VPS36: variants seen among roughly 807,000 people sequenced by gnomAD.
VPS36 encodes vacuolar protein sorting 36 homolog, also known as vacuolar protein-sorting-associated protein 36.
VPS36 carries 31 observed loss-of-function variants against 63.5 expected under a neutral mutation model. That is an observed-to-expected ratio of 0.49 (90% CI 0.37 to 0.66). The LOEUF (loss-of-function observed/expected upper bound fraction) is 0.66, where lower values mean the gene tolerates loss of function less well. Ranked by LOEUF, VPS36 falls within the 30% of genes least tolerant of loss-of-function variation. The pLI is 0.00. For synonymous variants in VPS36, 138 were observed against 157.2 expected (o/e 0.88, Z 0.91); for missense variants, 338 against 463.7 (o/e 0.73, Z 2.49).
chr13:52,439,796 G>GT (rs1958256624), intron 2 of VPS36, among the ~76,000 whole-genome samples: 1 of 152,006 alleles, frequency 6.6e-6, no homozygotes, highest in Non-Finnish European at 1.5e-5. Context: ...CATTTTACTC[G>GT]TAATATTTTC....
chr13:52,437,792 T>C (rs1038510929), intron 3 of VPS36, among the ~76,000 whole-genome samples: 10 of 152,012 alleles, frequency 6.6e-5, no homozygotes, highest in African/African-American at 2.4e-4. Flanking sequence ...TAGCTGGGCA[T>C]GGTCGTGGGC....
In VPS36 at chr13:52,433,741, C is replaced by A; in HGVS notation, c.449G>T (p.Arg150Ile). Residue 150 changes from arginine (R) to isoleucine (I), a missense_variant, in exon 6 of 14, where the codon AGA (arginine) becomes ATA (isoleucine). Physicochemically the swap from Arg to Ile is moderately conservative, Grantham distance 97. Transcript: ENST00000378060. ...ACCTACAATTCCTACAGCCCTTATT[C>A]TTCCTGGCTGAAAAAAAAAAGAGGT... ...LQTNRGPQPG[R>I]IRAVGIVGIE... 6.3e-7 allele frequency: 1 copy of A among 1,592,132 alleles called. No homozygotes were observed. Among genetic ancestry groups the A allele is most frequent in the Non-Finnish European group, 8.5e-7 (1 of 1,173,860 alleles).
In VPS36 at chr13:52,416,077, G is replaced by GA; in HGVS notation, c.1006dup (p.Ser336PhefsTer9). ...CTTAGCAAACTCTTCTGATGTTAGG[G>GA]ATCCCTTTTCTGAAACCTAATAGAA... On this transcript the variant is annotated frameshift_variant, in exon 13 of 14. Transcript: ENST00000378060. LOFTEE classifies it high-confidence loss of function. The GA allele has an allele frequency of 6.2e-7, 1 of 1,613,120 alleles. No homozygotes were observed. The highest frequency in any genetic ancestry group is 1.3e-5 in the African/African-American group (1 of 74,946).
chr13:52,427,218 G>GCCTGAAAT lies in VPS36; in HGVS notation c.529-7_529dup (p.Ala177AspfsTer11). ...CATTAGTTTGCTGAGGTCTTCAAAG[G>GCCTGAAAT]CCTGAAATGAGAAATGAATTTTGGT... is the stretch of plus-strand genomic sequence containing the variant. On this transcript the variant is annotated frameshift_variant and splice_region_variant, in exon 7 of 14. Coordinates refer to ENST00000378060, the MANE Select transcript of VPS36 (RefSeq NM_016075.4). LOFTEE classifies it high-confidence loss of function. The GCCTGAAAT allele has an allele frequency of 1.2e-6, 2 of 1,613,108 alleles. No individual in the cohort carries two copies. The highest frequency in any genetic ancestry group is 1.7e-6 in the Non-Finnish European group (2 of 1,179,466).
At chr13:52,420,372 G>T (rs1311542211) in intron 10 of VPS36, among the ~76,000 whole-genome samples, 1 of 151,360 alleles carries the variant, frequency 6.6e-6, no homozygotes, top group Non-Finnish European at 1.5e-5. Flanking sequence ...TTGCTCTGTT[G>T]CCCAGGCTGG....
At chr13:52,421,845 A>G (rs1231001569) in intron 10 of VPS36, among the ~76,000 whole-genome samples, 4 of 152,082 alleles carry the variant, frequency 2.6e-5, no homozygotes, top group South Asian at 4.2e-4. Context: ...TTATTGATAC[A>G]TAATATCTTA....
At chr13:52,436,879 T>C (rs1223629965) in intron 3 of VPS36, among the ~76,000 whole-genome samples, 1 of 152,210 alleles carries the variant, frequency 6.6e-6, no homozygotes, top group Non-Finnish European at 1.5e-5. Flanking sequence ...TATCATTTGT[T>C]GGAAAATGCC....
In VPS36 at chr13:52,413,980, A is replaced by G. The variant is rs1190311027; in HGVS notation, c.*1850T>C. ...CTTCCTTCTTAAGTTATTTTATACA[A>G]TTCAGATTGCTCCATTTTTTTTCAT... On this transcript the variant is annotated 3_prime_UTR_variant, in exon 14 of 14. Transcript: ENST00000378060. 1 of 152,138 alleles carries G rather than the reference A, an allele frequency of 6.6e-6. No individual in the cohort carries two copies. The highest frequency in any genetic ancestry group is 1.5e-5 in the Non-Finnish European group (1 of 68,040). 9.4% of individuals were successfully genotyped at this position (152,138 alleles called of 1,614,324 possible).
intron 6 of VPS36, chr13:52,429,326 A>G (rs890291193): frequency 1.0e-6 from 1 of 983,988 alleles, no homozygotes; most frequent in Non-Finnish European, 1.2e-6. Flanking sequence ...TGCATATTCC[A>G]TTCCCTTTTC....
At chr13:52,449,808 G>T in intron 1 of VPS36, 2 of 513,426 alleles carry the variant, frequency 3.9e-6, no homozygotes, top group Non-Finnish European at 5.0e-6. Flanking sequence ...GCACTACAAG[G>T]CACGGTCTAC....
chr13:52,444,513 A>C (rs1360424464), intron 1 of VPS36, among the ~76,000 whole-genome samples: 1 of 147,600 alleles, frequency 6.8e-6, no homozygotes, highest in African/African-American at 2.5e-5. Flanking sequence ...TATATGTATA[A>C]AAATATATAT....
chr13:52,438,461 T>C (rs1041048185), intron 3 of VPS36, among the ~76,000 whole-genome samples: 1 of 152,220 alleles, frequency 6.6e-6, no homozygotes, highest in African/African-American at 2.4e-5. Flanking sequence ...AAGTGCCTAA[T>C]TATGCTAAAC....
intron 2 of VPS36, among the ~76,000 whole-genome samples, chr13:52,440,989 A>G (rs1958270627): frequency 6.6e-6 from 1 of 152,108 alleles, no homozygotes; most frequent in African/African-American, 2.4e-5. Flanking sequence ...ACAGTTCACA[A>G]TAGGGTTCCT....
chr13:52,436,835 T>C (rs950624070), intron 3 of VPS36, among the ~76,000 whole-genome samples: 1 of 152,230 alleles, frequency 6.6e-6, no homozygotes, highest in Admixed American at 6.5e-5. Flanking sequence ...GCTGATATTT[T>C]ATTAAAATTC....
At chr13:52,418,078 G>A (rs369573679) in intron 10 of VPS36, 22 bp from the exon 11 acceptor site, 3 of 1,597,358 alleles carry the variant, frequency 1.9e-6, no homozygotes, top group African/African-American at 1.3e-5. Flanking sequence ...AAAAAATCCA[G>A]TAATGCTATA....
At chr13:52,425,795 T>C (rs930752438) in intron 9 of VPS36, 137 bp downstream of exon 9, 7 of 870,058 alleles carry the variant, frequency 8.0e-6, no homozygotes, top group African/African-American at 1.7e-5. Context: ...ACTTATTTAA[T>C]ATACCTGAAA....
rs916954655 is a variant in VPS36 at position 52,414,265 on chromosome 13, G to A, written c.*1565C>T. 6.6e-6 allele frequency: 1 copy of A among 152,176 alleles called. No homozygotes were observed. Among genetic ancestry groups the A allele is most frequent in the African/African-American group, 2.4e-5 (1 of 41,428 alleles). The allele number at this position is 152,176 out of a possible 1,614,324, so 9.4% of individuals were successfully genotyped here. A position where few individuals can be genotyped will look rare whatever the true frequency, so the allele number is the denominator to read the frequency against. ...AGAAAGAGGTGAGACATACAAACAA[G>A]CTTACACAATGGTCCAACTAACCCC... On this transcript the variant is annotated 3_prime_UTR_variant, in exon 14 of 14. Coordinates refer to ENST00000378060, the MANE Select transcript of VPS36 (RefSeq NM_016075.4).
chr13:52,418,692 T>A (rs949713819), intron 10 of VPS36, among the ~76,000 whole-genome samples: 2 of 151,652 alleles, frequency 1.3e-5, no homozygotes, highest in East Asian at 1.9e-4. Flanking sequence ...ATACAAAAAA[T>A]TATTAATGAG....
intron 6 of VPS36, among the ~76,000 whole-genome samples, chr13:52,431,260 A>T (rs1020111343): frequency 1.3e-5 from 2 of 152,066 alleles, no homozygotes; most frequent in Non-Finnish European, 2.9e-5. Flanking sequence ...AACACATAAA[A>T]TTTTTTTTCA....
Sources: gnomAD v4.1 joint callset for allele counts (sites outside exome capture counted in the v4.1 genomes callset) on GRCh38, gnomAD v4.1.1 for gene constraint, MANE v1.5 for transcripts, NCBI Gene and HGNC (gene_info 2026-07-23, HGNC 2026-07-21) for gene names.